Variants in MACROD2 observed in about 807,000 individuals in gnomAD.
MACROD2 encodes mono-ADP ribosylhydrolase 2, also known as ADP-ribose glycohydrolase MACROD2.
Under a neutral mutation model 70.4 loss-of-function variants are expected in MACROD2, and 36 were observed. The observed-to-expected ratio is 0.51, with a 90% CI of 0.39 to 0.68. MACROD2 has a LOEUF of 0.68. Among genes scored for constraint, MACROD2 ranks in the 30% least tolerant of loss-of-function variants. The pLI is 0.00. For synonymous variants in MACROD2, 172 were observed against 178.8 expected (o/e 0.96, Z 0.30); for missense variants, 496 against 538.4 (o/e 0.92, Z 0.78).
At chr20:14,620,715 C>A (rs1377112126) in intron 4 of MACROD2, among the ~76,000 whole-genome samples, 1 of 151,930 alleles carries the variant, frequency 6.6e-6, no homozygotes, top group Non-Finnish European at 1.5e-5. Context: ...TTCTTTTCTG[C>A]TAGACAGAAA....
chr20:14,687,383 T>G (rs1265315447), intron 5 of MACROD2, among the ~76,000 whole-genome samples: 3 of 152,220 alleles, frequency 2.0e-5, no homozygotes, highest in African/African-American at 7.2e-5. Flanking sequence ...TGTATCTGTT[T>G]GACATCCCTT....
intron 3 of MACROD2, among the ~76,000 whole-genome samples, chr20:14,330,018 A>G (rs2082804609): frequency 6.6e-6 from 1 of 151,888 alleles, no homozygotes; most frequent in South Asian, 2.1e-4. Context: ...TACTGTTCTA[A>G]TTTTCTTTTA....
intron 5 of MACROD2, among the ~76,000 whole-genome samples, chr20:14,689,489 G>A (rs1050557234): frequency 6.6e-6 from 1 of 152,094 alleles, no homozygotes; most frequent in Non-Finnish European, 1.5e-5. Flanking sequence ...CTCAAAATCC[G>A]ATAGTGGATT....
At chr20:15,150,101 C>T (rs1568602572) in intron 5 of MACROD2, among the ~76,000 whole-genome samples, 1 of 151,914 alleles carries the variant, frequency 6.6e-6, no homozygotes, top group African/African-American at 2.4e-5. Flanking sequence ...GCAGGGAGAG[C>T]ACATGTGTTT....
chr20:15,040,159 C>G (rs568493267), intron 5 of MACROD2, among the ~76,000 whole-genome samples: 2 of 151,984 alleles, frequency 1.3e-5, no homozygotes, highest in South Asian at 2.1e-4. Context: ...ACTAAAAATA[C>G]AAAAAATTAG....
intron 4 of MACROD2, among the ~76,000 whole-genome samples, chr20:14,679,632 A>G (rs184267300): frequency 6.6e-6 from 1 of 152,224 alleles, no homozygotes; most frequent in African/African-American, 2.4e-5. Context: ...TTAAACTCTT[A>G]TATTGAGTTT....
intron 13 of MACROD2, among the ~76,000 whole-genome samples, chr20:15,980,488 G>A (rs916639562): frequency 2.6e-5 from 4 of 152,116 alleles, no homozygotes; most frequent in Admixed American, 6.5e-5. Flanking sequence ...CTAAGGTAGC[G>A]ATGAAGATTT....
intron 2 of MACROD2, among the ~76,000 whole-genome samples, chr20:14,029,306 C>G (rs1394901174): frequency 6.6e-6 from 1 of 152,140 alleles, no homozygotes; most frequent in African/African-American, 2.4e-5. Context: ...GGGGAAAAAA[C>G]GCATCATAGA....
intron 5 of MACROD2, among the ~76,000 whole-genome samples, chr20:15,076,853 C>T (rs530702536): frequency 6.6e-6 from 1 of 152,038 alleles, no homozygotes; most frequent in Non-Finnish European, 1.5e-5. Flanking sequence ...AGGAAGAAAT[C>T]AAAGAGTAAA....
intron 5 of MACROD2, among the ~76,000 whole-genome samples, chr20:14,706,109 A>T (rs1230776520): frequency 6.6e-6 from 1 of 152,018 alleles, no homozygotes; most frequent in Admixed American, 6.6e-5. Flanking sequence ...AGGTCAAGAG[A>T]TCGATACCAT....
intron 6 of MACROD2, among the ~76,000 whole-genome samples, chr20:15,364,214 C>A (rs1431927689): frequency 5.9e-5 from 9 of 152,196 alleles, no homozygotes; most frequent in Non-Finnish European, 1.0e-4. Flanking sequence ...AGATTTTCCG[C>A]CTTTCTTACT....
At position 15,748,620 on chromosome 20, in the gene MACROD2, G is replaced by T. The variant is rs114826632; in HGVS notation, c.646-114125G>T. ...TGTTCCTCTCACCACCTATAGCTCT[G>T]AATTGAAACCCATGTGTGCAGTATT... On this transcript the variant is annotated intron_variant, in intron 8 of 17. Coordinates refer to ENST00000684519, the MANE Select transcript of MACROD2 (RefSeq NM_001351661.2). 7.3e-3 allele frequency among the ~76,000 whole-genome samples: 1,116 copies of T among 152,176 alleles called. 19 individuals carry two copies. Among genetic ancestry groups the T allele is most frequent in the African/African-American group, 0.025 (1,041 of 41,522 alleles).
chr20:14,238,105 C>T (rs929025084), intron 3 of MACROD2, among the ~76,000 whole-genome samples: 2 of 152,130 alleles, frequency 1.3e-5, no homozygotes, highest in Non-Finnish European at 2.9e-5. Flanking sequence ...TTCTAGATCC[C>T]TGAGGAATTG....
intron 6 of MACROD2, among the ~76,000 whole-genome samples, chr20:15,385,538 T>G (rs1324721111): frequency 6.6e-6 from 1 of 152,196 alleles, no homozygotes; most frequent in Non-Finnish European, 1.5e-5. Context: ...CATCTGTTTA[T>G]TTCCCTACGT....
intron 5 of MACROD2, among the ~76,000 whole-genome samples, chr20:15,161,256 G>A (rs384410): frequency 0.82 from 124,955 of 151,576 alleles, 51,883 homozygotes; most frequent in African/African-American, 0.94. Context: ...AAAATCATTT[G>A]CAGGTCTTTT....
intron 5 of MACROD2, among the ~76,000 whole-genome samples, chr20:15,048,764 A>G (rs546195533): frequency 1.3e-5 from 2 of 152,264 alleles, no homozygotes; most frequent in Admixed American, 1.3e-4. Context: ...AAGAAGGATA[A>G]ATGTATAAGA....
At chr20:15,618,640 G>T (rs2049076834) in intron 8 of MACROD2, among the ~76,000 whole-genome samples, 1 of 151,700 alleles carries the variant, frequency 6.6e-6, no homozygotes, top group South Asian at 2.1e-4. Context: ...GGCTCCATGT[G>T]CTGGGACACT....
intron 3 of MACROD2, chr20:14,324,623 T>A (rs1046649490): frequency 6.6e-6 from 1 of 152,158 alleles, no homozygotes; most frequent in Non-Finnish European, 1.5e-5. Context: ...GCATAAAGTT[T>A]CTCTGACATC....
chr20:14,779,398 A>G (rs41398845), intron 5 of MACROD2, among the ~76,000 whole-genome samples: 3,365 of 152,206 alleles, frequency 0.022, 149 homozygotes, highest in African/African-American at 0.076. Flanking sequence ...TTCACGAGCT[A>G]ATCACATTTG....
Sources: allele counts gnomAD v4.1 joint callset (sites outside exome capture counted in the v4.1 genomes callset), GRCh38; gene constraint gnomAD v4.1.1; transcripts MANE v1.5; gene names NCBI Gene and HGNC (gene_info 2026-07-23, HGNC 2026-07-21).